The following SPMIP2 variants were observed in gnomAD, a reference collection of about 807,000 sequenced individuals.
SPMIP2 encodes the protein sperm microtubule inner protein 2, also known as protein SPMIP2.
the SPMIP2 span, among the ~76,000 whole-genome samples, chr4:158,919,565 T>C: frequency 1.3e-5 from 2 of 152,212 alleles, no homozygotes; most frequent in African/African-American, 4.8e-5. Flanking sequence ...CTTAGGTCAC[T>C]TGCTTAAAAT....
the SPMIP2 span, among the ~76,000 whole-genome samples, chr4:158,908,738 G>A: frequency 6.6e-6 from 1 of 152,212 alleles, no homozygotes; most frequent in Non-Finnish European, 1.5e-5. Context: ...CCAAGCTGGA[G>A]TGCAATGGTG....
At chr4:158,960,313 G>T in the SPMIP2 span, 10 of 1,564,514 alleles carry the variant, frequency 6.4e-6, no homozygotes, top group Non-Finnish European at 8.8e-6. Context: ...GTGGGTTATT[G>T]AATCAAGAGA....
chr4:158,972,662 T>C, the SPMIP2 span, among the ~76,000 whole-genome samples: 4 of 152,208 alleles, frequency 2.6e-5, no homozygotes, highest in African/African-American at 9.6e-5. Context: ...ACGAAGGCAT[T>C]ATCAGTACAG....
At chr4:158,977,140 C>G in the SPMIP2 span, among the ~76,000 whole-genome samples, 1 of 152,020 alleles carries the variant, frequency 6.6e-6, no homozygotes. Context: ...CCCTCTTTTT[C>G]TATTGTTTGG....
chr4:158,913,731 G>T, the SPMIP2 span, among the ~76,000 whole-genome samples: 2 of 152,006 alleles, frequency 1.3e-5, no homozygotes, highest in African/African-American at 4.8e-5. Context: ...TACTCAGGAG[G>T]CTGAGGTGGG....
At chr4:159,046,884 T>C in the SPMIP2 span, among the ~76,000 whole-genome samples, 1 of 152,356 alleles carries the variant, frequency 6.6e-6, no homozygotes, top group East Asian at 1.9e-4. Context: ...TTCAGCTGTT[T>C]ATAGTGCTGC....
chr4:158,911,245 G>C, the SPMIP2 span, among the ~76,000 whole-genome samples: 1 of 152,074 alleles, frequency 6.6e-6, no homozygotes, highest in Non-Finnish European at 1.5e-5. Flanking sequence ...CTACTCAGGA[G>C]GCTGAGGCAG....
chr4:158,967,182 A>G, the SPMIP2 span, among the ~76,000 whole-genome samples: 1 of 152,220 alleles, frequency 6.6e-6, no homozygotes, highest in Admixed American at 6.5e-5. Context: ...GTTTCCTTCA[A>G]TGTATTTGAG....
At chr4:159,004,289 CTTTT>C in the SPMIP2 span, among the ~76,000 whole-genome samples, 1 of 78,926 alleles carries the variant, frequency 1.3e-5, no homozygotes, top group Non-Finnish European at 2.3e-5. Flanking sequence ...ACTCTGTGCT[CTTTT>C]TTTTTTTTTT....
At chr4:159,045,866 C>T in the SPMIP2 span, among the ~76,000 whole-genome samples, 12 of 152,272 alleles carry the variant, frequency 7.9e-5, no homozygotes, top group South Asian at 2.3e-3. Context: ...AGATCTGATT[C>T]CAGGCTCTCT....
At chr4:159,061,206 A>G in the SPMIP2 span, among the ~76,000 whole-genome samples, 4 of 151,522 alleles carry the variant, frequency 2.6e-5, no homozygotes, top group Admixed American at 6.6e-5. Context: ...AAAACCTGGA[A>G]CCCTGAAGTT....
chr4:159,044,012 G>A, the SPMIP2 span, among the ~76,000 whole-genome samples: 1 of 152,040 alleles, frequency 6.6e-6, no homozygotes, highest in South Asian at 2.1e-4. Flanking sequence ...GAGCATTTGG[G>A]CCAGGATTAA....
chr4:159,027,775 G>A, the SPMIP2 span, among the ~76,000 whole-genome samples: 1 of 152,270 alleles, frequency 6.6e-6, no homozygotes, highest in East Asian at 1.9e-4. Flanking sequence ...ATGAATAAGT[G>A]GGTCTGAAAT....
the SPMIP2 span, among the ~76,000 whole-genome samples, chr4:158,976,367 T>G: frequency 2.0e-5 from 3 of 152,180 alleles, no homozygotes; most frequent in African/African-American, 7.2e-5. Context: ...CTTGTGCCGG[T>G]TTTCAAAGGG....
the SPMIP2 span, among the ~76,000 whole-genome samples, chr4:158,970,196 C>G: frequency 6.6e-6 from 1 of 152,142 alleles, no homozygotes; most frequent in Non-Finnish European, 1.5e-5. Flanking sequence ...GAAGTAGCTG[C>G]CTGAAGCACA....
chr4:158,976,500 G>A, the SPMIP2 span, among the ~76,000 whole-genome samples: 3 of 151,808 alleles, frequency 2.0e-5, no homozygotes, highest in Non-Finnish European at 4.4e-5. Flanking sequence ...CATGAAGGGG[G>A]GTTGAATTTT....
the SPMIP2 span, among the ~76,000 whole-genome samples, chr4:158,954,171 G>T: frequency 6.6e-6 from 1 of 152,156 alleles, no homozygotes; most frequent in Admixed American, 6.5e-5. Flanking sequence ...ATCTTGAATT[G>T]TACTCCCATA....
At chr4:158,953,394 TAAGTC>T in the SPMIP2 span, among the ~76,000 whole-genome samples, 1 of 152,184 alleles carries the variant, frequency 6.6e-6, no homozygotes, top group African/African-American at 2.4e-5. Context: ...CGAGTACACA[TAAGTC>T]AAGAATTAGG....
chr4:159,060,412 G>A, the SPMIP2 span, among the ~76,000 whole-genome samples: 1 of 152,162 alleles, frequency 6.6e-6, no homozygotes, highest in Non-Finnish European at 1.5e-5. Flanking sequence ...TGGCTGTTAA[G>A]GCAGATGTAA....
Sources: allele counts gnomAD v4.1 joint callset (sites outside exome capture counted in the v4.1 genomes callset), GRCh38; gene constraint gnomAD v4.1.1; transcripts MANE v1.5; gene names NCBI Gene and HGNC (gene_info 2026-07-23, HGNC 2026-07-21).